FUT8: variants seen among roughly 807,000 people sequenced by gnomAD.
The protein encoded by FUT8 is fucosyltransferase 8.
In FUT8, 29 loss-of-function variants were observed where a neutral mutation model predicts 71.3. That is an observed-to-expected ratio of 0.41 (90% CI 0.30 to 0.55). FUT8 has a LOEUF of 0.55. Among genes scored for constraint, FUT8 ranks in the 20% least tolerant of loss-of-function variants. The pLI, the probability that FUT8 is intolerant of heterozygous loss-of-function variation, is 0.34. For missense variants in FUT8, 544 were observed against 702.1 expected (o/e 0.77, Z 2.55); for synonymous variants, 254 against 239.3 (o/e 1.06, Z -0.57).
intron 2 of FUT8, among the ~76,000 whole-genome samples, chr14:65,552,324 G>C (rs1157140266): frequency 6.6e-6 from 1 of 152,048 alleles, no homozygotes; most frequent in Middle Eastern, 3.2e-3. Flanking sequence ...ATTTGTGTCT[G>C]TCTTGTTCAC....
At chr14:65,412,521 C>T (rs2065147009), upstream of FUT8, 1 of 358,398 alleles carries the variant, frequency 2.8e-6, no homozygotes, top group Non-Finnish European at 5.5e-6. Flanking sequence ...AGCCGGCGTG[C>T]GCAGCCGCTG....
chr14:65,358,733 G>C, the FUT8 span, among the ~76,000 whole-genome samples: 3 of 152,278 alleles, frequency 2.0e-5, no homozygotes. Context: ...TTATAGGTGT[G>C]AGCTACCATG....
rs550034318 is a variant in FUT8, at chr14:65,473,428, C to T, written c.-228+17710C>T. Among the ~76,000 whole-genome samples the T allele has an allele frequency of 1.3e-3, 195 of 152,188 alleles. 1 individual carries two copies. Among genetic ancestry groups the T allele is most frequent in the African/African-American group, 4.5e-3 (185 of 41,516 alleles). ...TTAAGTTTTATTGGATCTTGAAAAACGGGATTAGAAATTTTTTCTTACTTA... is the reference window on the plus strand; with the variant it reads ...TTAAGTTTTATTGGATCTTGAAAAATGGGATTAGAAATTTTTTCTTACTTA... On this transcript the variant is annotated intron_variant, in intron 2 of 10. Coordinates refer to ENST00000673929, the MANE Select transcript of FUT8 (RefSeq NM_001371533.1).
chr14:65,373,217 T>A, the FUT8 span, among the ~76,000 whole-genome samples: 1 of 149,814 alleles, frequency 6.7e-6, no homozygotes, highest in Non-Finnish European at 1.5e-5. Context: ...GTGGAGTCCC[T>A]GGCGAGGGCT....
At chr14:65,640,557 ATTATT>A (rs1160470733) in intron 6 of FUT8, among the ~76,000 whole-genome samples, 2 of 152,118 alleles carry the variant, frequency 1.3e-5, no homozygotes, top group Non-Finnish European at 2.9e-5. Context: ...ATTTACTCAT[ATTATT>A]TTATTTAATT....
the FUT8 span, among the ~76,000 whole-genome samples, chr14:65,390,783 G>A: frequency 2.0e-5 from 3 of 149,696 alleles, no homozygotes; most frequent in East Asian, 4.0e-4. Context: ...GAGTGCAGTG[G>A]CGCCATCTCG....
At position 65,743,208 on chromosome 14, in the gene FUT8, TG is replaced by T. The variant is rs1240969987; in HGVS notation, c.*799del. The stretch of plus-strand genomic sequence containing the variant: ...GTTGATCAGCCTTATGTGGAAGAAC[TG>T]TGATAAAAAGAGGAGCTTTTTAGTT... On this transcript the variant is annotated 3_prime_UTR_variant, in exon 11 of 11. Transcript: ENST00000673929. 1.3e-5 allele frequency: 2 copies of T among 152,292 alleles called. No homozygotes were observed. The highest frequency in any genetic ancestry group is 2.9e-5 in the Non-Finnish European group (2 of 67,894). 9.4% of individuals were successfully genotyped at this position (152,292 alleles called of 1,614,324 possible).
intron 7 of FUT8, among the ~76,000 whole-genome samples, chr14:65,702,360 A>AAG (rs1894344915): frequency 1.3e-5 from 2 of 151,034 alleles, no homozygotes; most frequent in African/African-American, 2.4e-5. Context: ...AAAAAAAAAA[A>AAG]GGGAACAAGA....
At chr14:65,392,769 C>T in the FUT8 span, among the ~76,000 whole-genome samples, 1 of 152,196 alleles carries the variant, frequency 6.6e-6, no homozygotes, top group Non-Finnish European at 1.5e-5. Flanking sequence ...AAGCGTCCTG[C>T]TTCTTCCTCT....
intron 2 of FUT8, chr14:65,458,147 A>T (rs1373109466): frequency 6.8e-6 from 1 of 146,892 alleles, no homozygotes; most frequent in African/African-American, 2.5e-5. Context: ...CTGCCACTGC[A>T]CTCCAGCCTG....
rs76918252 is a variant in FUT8 at position 65,500,370 on chromosome 14, A to AT, written c.-228+44658dup. Among the ~76,000 whole-genome samples the AT allele has an allele frequency of 1.9e-3, 294 of 152,092 alleles. 4 individuals carry two copies. The East Asian group carries it at 0.045, about 23-fold the overall frequency. On this transcript the variant is annotated intron_variant, in intron 2 of 10. Transcript: ENST00000673929. ...CATCATTGTCGTCATCATCATCATCATTTTTTCTTTCGGTAAAAATATCCT... is the reference window on the plus strand; with the variant it reads ...CATCATTGTCGTCATCATCATCATCATTTTTTTCTTTCGGTAAAAATATCCT...
At chr14:65,407,092 C>G (rs918651227), upstream of FUT8, among the ~76,000 whole-genome samples, 1 of 152,148 alleles carries the variant, frequency 6.6e-6, no homozygotes, top group Non-Finnish European at 1.5e-5. Flanking sequence ...GACCTTCAAA[C>G]TGGGGGGCCA....
At chr14:65,419,277 C>CA (rs1419781387) in intron 1 of FUT8, among the ~76,000 whole-genome samples, 4 of 151,620 alleles carry the variant, frequency 2.6e-5, no homozygotes, top group African/African-American at 9.7e-5. Flanking sequence ...CAAAACAAAA[C>CA]AAAAAAACAA....
intron 1 of FUT8, among the ~76,000 whole-genome samples, chr14:65,424,011 G>A (rs1207460622): frequency 6.6e-6 from 1 of 152,160 alleles, no homozygotes; most frequent in African/African-American, 2.4e-5. Context: ...TACGTATCAA[G>A]CAATTCACCT....
intron 1 of FUT8, among the ~76,000 whole-genome samples, chr14:65,439,943 T>TGC: frequency 2.0e-5 from 1 of 49,404 alleles, no homozygotes; most frequent in African/African-American, 5.8e-5. Flanking sequence ...AGAAAATGTG[T>TGC]GTGTGTGTGT....
intron 1 of FUT8, among the ~76,000 whole-genome samples, chr14:65,439,954 G>GTATATATA (rs60534547): frequency 0.011 from 797 of 74,820 alleles, 16 homozygotes; most frequent in Middle Eastern, 0.03. Context: ...GTGTGTGTGT[G>GTATATATA]TATATATATA....
rs115493082 is a variant in FUT8 at position 65,475,791 on chromosome 14, A to G, written c.-228+20073A>G. On this transcript the variant is annotated intron_variant, in intron 2 of 10. Transcript: ENST00000673929. ...GAGTGAGACCTTGTCTTGGGGGGCA[A>G]AAAGTGTAAGGATGGGATTTCTAGG... is the stretch of plus-strand genomic sequence containing the variant. Among the ~76,000 whole-genome samples the G allele has an allele frequency of 7.2e-3, 1,096 of 151,972 alleles. 12 individuals carry two copies. The highest frequency in any genetic ancestry group is 0.024 in the African/African-American group (994 of 41,462).
intron 6 of FUT8, among the ~76,000 whole-genome samples, chr14:65,642,204 C>G (rs1890873374): frequency 1.3e-5 from 2 of 152,154 alleles, no homozygotes; most frequent in South Asian, 4.1e-4. Flanking sequence ...ATCACGTAAA[C>G]TAAGAATTGA....
chr14:65,480,224 C>T (rs1005478561), intron 2 of FUT8, among the ~76,000 whole-genome samples: 3 of 151,062 alleles, frequency 2.0e-5, no homozygotes, highest in Non-Finnish European at 4.4e-5. Context: ...TGAATCGGCC[C>T]TTTCTATCCC....
Sources: allele counts gnomAD v4.1 joint callset (sites outside exome capture counted in the v4.1 genomes callset), GRCh38; gene constraint gnomAD v4.1.1; transcripts MANE v1.5; gene names NCBI Gene and HGNC (gene_info 2026-07-23, HGNC 2026-07-21).